The following GPHN variants were observed in gnomAD, a reference collection of about 807,000 sequenced individuals.
The protein encoded by GPHN is gephyrin.
GPHN carries 17 observed loss-of-function variants against 95.5 expected under a neutral mutation model. The observed-to-expected ratio is 0.18, with a 90% CI of 0.12 to 0.27. The LOEUF is 0.27. GPHN is among the 10% of genes least tolerant of loss of function. GPHN has a pLI of 1.00. For synonymous variants in GPHN, 320 were observed against 322.5 expected (o/e 0.99, Z 0.08); for missense variants, 660 against 978.1 (o/e 0.67, Z 4.34).
At chr14:67,126,906 C>T (rs1365477052) in intron 17 of GPHN, among the ~76,000 whole-genome samples, 1 of 151,864 alleles carries the variant, frequency 6.6e-6, no homozygotes, top group Non-Finnish European at 1.5e-5. Flanking sequence ...CCATGGAATA[C>T]TATGCAGCCA....
chr14:66,788,833 G>C (rs1162680643), intron 3 of GPHN, among the ~76,000 whole-genome samples: 1 of 151,832 alleles, frequency 6.6e-6, no homozygotes, highest in East Asian at 1.9e-4. Context: ...ATTTTTTGTA[G>C]TTTTAGTAGA....
At chr14:67,651,396 G>GA in the GPHN span, 1 of 1,613,862 alleles carries the variant, frequency 6.2e-7, no homozygotes, top group South Asian at 1.1e-5. Context: ...CAATGGCTGC[G>GA]AAAGAATTTG....
rs1450841192 is a variant in GPHN at position 66,766,336 on chromosome 14, G to T, written c.144-10128G>T. Among the ~76,000 whole-genome samples, 4 of 152,116 alleles carry T rather than the reference G, an allele frequency of 2.6e-5. 1 individual carries two copies. The highest frequency in any genetic ancestry group is 1.3e-4 in the Admixed American group (2 of 15,282). On this transcript the variant is annotated intron_variant, in intron 2 of 22. Coordinates refer to ENST00000478722, the MANE Select transcript of GPHN (RefSeq NM_020806.5). ...AGGCTGAATTTTAAGCCCTGCCAAG[G>T]CAGAAGGGCCTTGGTAAACTTAGTT...
chr14:67,653,645 A>G, the GPHN span: 2 of 658,954 alleles, frequency 3.0e-6, no homozygotes, highest in Non-Finnish European at 5.2e-6. Flanking sequence ...CTTTGAGTGT[A>G]AGTAGAAGAA....
At chr14:67,541,711 A>G in the GPHN span, 2 of 622,558 alleles carry the variant, frequency 3.2e-6, no homozygotes, top group South Asian at 2.3e-5. Flanking sequence ...TCTCTTCCCC[A>G]GCCCTGTTTT....
chr14:67,128,537 A>G (rs926234243), intron 17 of GPHN, among the ~76,000 whole-genome samples: 5 of 152,366 alleles, frequency 3.3e-5, no homozygotes, highest in Admixed American at 6.5e-5. Flanking sequence ...ATTTATAAAT[A>G]TGGTATATGC....
At chr14:67,459,722 A>T in the GPHN span, among the ~76,000 whole-genome samples, 1 of 152,208 alleles carries the variant, frequency 6.6e-6, no homozygotes, top group Non-Finnish European at 1.5e-5. Flanking sequence ...GCTGTTCCTC[A>T]CATAGGCGCT....
At chr14:66,728,950 C>T (rs576390475) in intron 2 of GPHN, among the ~76,000 whole-genome samples, 2 of 152,258 alleles carry the variant, frequency 1.3e-5, no homozygotes, top group South Asian at 2.1e-4. Context: ...CCTCAATTCC[C>T]ACATATTGTG....
the GPHN span, among the ~76,000 whole-genome samples, chr14:67,619,335 T>C: frequency 6.6e-6 from 1 of 152,374 alleles, no homozygotes; most frequent in East Asian, 1.9e-4. Context: ...TCCTAACCTC[T>C]TTCATTCAAA....
chr14:66,718,325 A>G (rs1003056332), intron 2 of GPHN, among the ~76,000 whole-genome samples: 1 of 151,988 alleles, frequency 6.6e-6, no homozygotes, highest in Non-Finnish European at 1.5e-5. Flanking sequence ...TGAGTGTTAC[A>G]GTTCTTAAAG....
At chr14:66,953,334 G>A (rs2068247568) in intron 8 of GPHN, among the ~76,000 whole-genome samples, 1 of 151,730 alleles carries the variant, frequency 6.6e-6, no homozygotes, top group South Asian at 2.1e-4. Context: ...GTTTAATGAA[G>A]TCCAGTTAAT....
In GPHN at chr14:66,610,913, G is replaced by A. The variant is rs116721504; in HGVS notation, c.65-70194G>A. Among the ~76,000 whole-genome samples, 85 of 152,170 alleles carry A rather than the reference G, an allele frequency of 5.6e-4. 3 individuals carry two copies. Among genetic ancestry groups the A allele is most frequent in the African/African-American group, 2.0e-3 (83 of 41,530 alleles). On this transcript the variant is annotated intron_variant, in intron 1 of 22. Coordinates refer to ENST00000478722, the MANE Select transcript of GPHN (RefSeq NM_020806.5). ...GCCAAGATAATCAGACATCTCCTGGGGATGGTGGGGAATGAAGAATGCAAT... is the reference window on the plus strand; with the variant it reads ...GCCAAGATAATCAGACATCTCCTGGAGATGGTGGGGAATGAAGAATGCAAT...
At chr14:67,692,395 G>C in the GPHN span, 1 of 1,599,962 alleles carries the variant, frequency 6.3e-7, no homozygotes, top group African/African-American at 1.3e-5. Context: ...CTGCCATGTT[G>C]ACCTCAAGAC....
intron 19 of GPHN, among the ~76,000 whole-genome samples, chr14:67,159,969 A>G (rs371094567): frequency 1.3e-5 from 2 of 152,234 alleles, no homozygotes; most frequent in Admixed American, 6.5e-5. Flanking sequence ...GCATTCTCTT[A>G]CCTAATCACA....
chr14:66,662,583 A>G (rs970999856), intron 1 of GPHN, among the ~76,000 whole-genome samples: 5 of 152,232 alleles, frequency 3.3e-5, no homozygotes, highest in African/African-American at 1.2e-4. Flanking sequence ...AGATGACCAC[A>G]TCACCTCTCC....
chr14:67,680,528 A>G, the GPHN span, among the ~76,000 whole-genome samples: 16 of 152,238 alleles, frequency 1.1e-4, no homozygotes, highest in African/African-American at 3.6e-4. Context: ...CAGTGGTGTG[A>G]TCGCAGCTCA....
chr14:66,925,169 T>A (rs930016497), intron 8 of GPHN, among the ~76,000 whole-genome samples: 4 of 152,140 alleles, frequency 2.6e-5, no homozygotes, highest in African/African-American at 9.7e-5. Flanking sequence ...GTGGATATAT[T>A]TATGGGGCAT....
At chr14:67,360,282 AG>A in the GPHN span, 11 of 398,748 alleles carry the variant, frequency 2.8e-5, no homozygotes, top group South Asian at 1.2e-4. Flanking sequence ...AATGATGAAG[AG>A]GGGCCTCTAT....
chr14:67,181,169 T>A lies in GPHN; in HGVS notation c.*232T>A. On this transcript the variant is annotated 3_prime_UTR_variant, in exon 23 of 23. Transcript: ENST00000478722. ...TATATCAAGGCAAATTTTTCCTTTC[T>A]TGCAAATTGCTTTGTGTGTTCAATG... 1.8e-6 allele frequency: 1 copy of A among 564,444 alleles called. No individual in the cohort carries two copies. Among genetic ancestry groups the A allele is most frequent in the Non-Finnish European group, 3.2e-6 (1 of 316,924 alleles). The allele number at this position is 564,444 out of a possible 1,614,324, so 35.0% of individuals were successfully genotyped here.
Sources: gnomAD v4.1 joint callset for allele counts (sites outside exome capture counted in the v4.1 genomes callset) on GRCh38, gnomAD v4.1.1 for gene constraint, MANE v1.5 for transcripts, NCBI Gene and HGNC (gene_info 2026-07-23, HGNC 2026-07-21) for gene names.